The following PPP2R2C variants were observed in gnomAD, a reference collection of about 807,000 sequenced individuals.
The protein encoded by PPP2R2C is protein phosphatase 2 regulatory subunit Bgamma.
PPP2R2C carries 10 observed loss-of-function variants against 45.3 expected under a neutral mutation model. The ratio of observed to expected loss-of-function variants is 0.22; its 90% confidence interval spans 0.14 to 0.37. The LOEUF (loss-of-function observed/expected upper bound fraction) is 0.37, where lower values mean the gene tolerates loss of function less well. Among genes scored for constraint, PPP2R2C ranks in the 10% least tolerant of loss-of-function variants. The pLI, the probability that PPP2R2C is intolerant of heterozygous loss-of-function variation, is 1.00. For missense variants in PPP2R2C, 308 were observed against 619.7 expected, an observed-to-expected ratio of 0.50 and a Z score of 5.34; for synonymous variants, 257 against 245.4, an observed-to-expected ratio of 1.05 and a Z score of -0.44.
At chr4:6,537,036 C>G (rs1266510701) in intron 1 of PPP2R2C, among the ~76,000 whole-genome samples, 1 of 152,078 alleles carries the variant, frequency 6.6e-6, no homozygotes, top group Non-Finnish European at 1.5e-5. Flanking sequence ...AACCCTGTCT[C>G]TACTGAAAAT....
intron 2 of PPP2R2C, among the ~76,000 whole-genome samples, chr4:6,509,888 G>A (rs753591401): frequency 3.3e-5 from 5 of 152,180 alleles, no homozygotes; most frequent in Non-Finnish European, 5.9e-5. Flanking sequence ...TGCACTTGGT[G>A]GGGGCTGTCA....
intron 1 of PPP2R2C, among the ~76,000 whole-genome samples, chr4:6,551,248 C>T (rs1725176049): frequency 6.6e-6 from 1 of 152,314 alleles, no homozygotes; most frequent in South Asian, 2.1e-4. Context: ...TGGCAAGTCA[C>T]GAGTGCTCAT....
At chr4:6,513,438 C>T (rs747457523) in intron 2 of PPP2R2C, among the ~76,000 whole-genome samples, 5 of 152,094 alleles carry the variant, frequency 3.3e-5, no homozygotes, top group African/African-American at 4.8e-5. Flanking sequence ...AGAGAAGGGT[C>T]CTCCCAGGGG....
chr4:6,501,877 A>G (rs534200123), intron 2 of PPP2R2C, among the ~76,000 whole-genome samples: 8 of 152,356 alleles, frequency 5.3e-5, no homozygotes, highest in African/African-American at 1.9e-4. Flanking sequence ...GAGACCCAGT[A>G]TCTTTGTCTT....
At chr4:6,456,525 G>A (rs1721047524) in intron 1 of PPP2R2C, among the ~76,000 whole-genome samples, 1 of 152,098 alleles carries the variant, frequency 6.6e-6, no homozygotes, top group Admixed American at 6.6e-5. Flanking sequence ...AAAATATTCA[G>A]GGCTGTTTTT....
chr4:6,446,515 T>A (rs543250199), intron 1 of PPP2R2C, among the ~76,000 whole-genome samples: 51 of 152,194 alleles, frequency 3.4e-4, no homozygotes, highest in African/African-American at 1.2e-3. Context: ...TGAATATCAC[T>A]CTTCTCAAGG....
At chr4:6,383,446 C>T (rs997011213) in intron 1 of PPP2R2C, 46 of 1,287,406 alleles carry the variant, frequency 3.6e-5, no homozygotes, top group Admixed American at 4.6e-5. Flanking sequence ...CCTGCTTATT[C>T]CCCTCCAAAC....
At chr4:6,326,665 G>A (rs1318119826) in intron 8 of PPP2R2C, among the ~76,000 whole-genome samples, 16 of 152,224 alleles carry the variant, frequency 1.1e-4, no homozygotes, top group Non-Finnish European at 2.2e-4. Context: ...CAGTTTCCTA[G>A]AACCACTTTC....
chr4:6,540,090 C>T (rs1380926477), intron 1 of PPP2R2C, among the ~76,000 whole-genome samples: 2 of 152,252 alleles, frequency 1.3e-5, no homozygotes, highest in African/African-American at 2.4e-5. Context: ...ATATACCACA[C>T]ACTTTACTTT....
chr4:6,510,980 CAAAAA>C (rs752037080), intron 2 of PPP2R2C, among the ~76,000 whole-genome samples: 4 of 41,354 alleles, frequency 9.7e-5, no homozygotes, highest in African/African-American at 1.7e-4. Context: ...CCGTCTCAAA[CAAAAA>C]AAAACAAACA....
At chr4:6,415,253 GC>G (rs747299154) in intron 1 of PPP2R2C, among the ~76,000 whole-genome samples, 19 of 152,246 alleles carry the variant, frequency 1.2e-4, no homozygotes, top group African/African-American at 3.6e-4. Context: ...GGGGCTCAGA[GC>G]CCCTCTGAAA....
At chr4:6,545,561 A>G (rs999199410) in intron 1 of PPP2R2C, among the ~76,000 whole-genome samples, 4 of 152,240 alleles carry the variant, frequency 2.6e-5, no homozygotes, top group Non-Finnish European at 5.9e-5. Flanking sequence ...AGGCTCTGGG[A>G]CAAGGTCAGG....
At chr4:6,548,229 A>G (rs796996047) in intron 1 of PPP2R2C, among the ~76,000 whole-genome samples, 7 of 151,000 alleles carry the variant, frequency 4.6e-5, no homozygotes, top group African/African-American at 1.5e-4. Flanking sequence ...AAAGAAAAAG[A>G]AGAAGAAGAA....
chr4:6,402,033 G>A (rs111381882), intron 1 of PPP2R2C, among the ~76,000 whole-genome samples: 1,598 of 152,282 alleles, frequency 0.01, 31 homozygotes, highest in African/African-American at 0.036. Context: ...CCTCATCTGC[G>A]CATTGAGGTT....
intron 1 of PPP2R2C, among the ~76,000 whole-genome samples, chr4:6,548,987 G>C (rs1725086703): frequency 6.6e-6 from 1 of 152,190 alleles, no homozygotes; most frequent in Admixed American, 6.5e-5. Flanking sequence ...GCTCTTGAAT[G>C]TTTATGTGTT....
In PPP2R2C at chr4:6,377,844, C is replaced by G. The variant is rs372037492; in HGVS notation, c.334+563G>C. Among the ~76,000 whole-genome samples the G allele has an allele frequency of 1.4e-4, 21 of 152,162 alleles. No homozygotes were observed. The South Asian group carries it at 4.4e-3, about 32-fold the overall frequency. On this transcript the variant is annotated intron_variant, in intron 3 of 8. Transcript: ENST00000382599. ...GGAGCCTGGGAAGCAGGCGTCAGGC[C>G]GAGAGCCTCCGGTGCCTGAGGGGTA...
chr4:6,530,351 G>A (rs1248967786), intron 2 of PPP2R2C, among the ~76,000 whole-genome samples: 2 of 152,154 alleles, frequency 1.3e-5, no homozygotes, highest in Non-Finnish European at 2.9e-5. Flanking sequence ...ATGTAGAAGC[G>A]TGATCCGCCA....
chr4:6,431,055 G>GT (rs1719588025), intron 1 of PPP2R2C, among the ~76,000 whole-genome samples: 1 of 152,214 alleles, frequency 6.6e-6, no homozygotes. Context: ...CACTTTTGGG[G>GT]TTGGGGTTAC....
At chr4:6,529,269 G>A (rs543083187) in intron 2 of PPP2R2C, among the ~76,000 whole-genome samples, 2 of 152,346 alleles carry the variant, frequency 1.3e-5, no homozygotes, top group Admixed American at 6.5e-5. Flanking sequence ...TCTGGGCAGG[G>A]CCAGGGATTA....
Sources: gnomAD v4.1 joint callset for allele counts (sites outside exome capture counted in the v4.1 genomes callset) on GRCh38, gnomAD v4.1.1 for gene constraint, MANE v1.5 for transcripts, NCBI Gene and HGNC (gene_info 2026-07-23, HGNC 2026-07-21) for gene names.